Variants in LINGO2 observed in about 807,000 individuals in gnomAD.
The protein encoded by LINGO2 is leucine-rich repeat and immunoglobulin-like domain-containing nogo receptor-interacting protein 2.
A neutral mutation model predicts 30.6 loss-of-function variants in LINGO2; 14 were observed. The ratio of observed to expected loss-of-function variants is 0.46; its 90% CI spans 0.30 to 0.72. LINGO2 has a LOEUF of 0.72. Ranked by LOEUF, LINGO2 falls within the 30% of genes least tolerant of loss-of-function variation. LINGO2 has a pLI of 0.07. For synonymous variants in LINGO2, 317 were observed against 288.5 expected, an observed-to-expected ratio of 1.10 and a Z score of -1.00; for missense variants, 729 against 751.7, an observed-to-expected ratio of 0.97 and a Z score of 0.35.
At chr9:29,201,753 G>T in the LINGO2 span, among the ~76,000 whole-genome samples, 2 of 152,092 alleles carry the variant, frequency 1.3e-5, no homozygotes, top group East Asian at 1.9e-4. Context: ...ATGACTTTGT[G>T]TAGGTACTGA....
chr9:28,635,000 C>G (rs931343819), intron 1 of LINGO2, among the ~76,000 whole-genome samples: 5 of 152,116 alleles, frequency 3.3e-5, no homozygotes, highest in African/African-American at 1.2e-4. Flanking sequence ...GGCTGTAAGC[C>G]TGGAGGTACA....
the LINGO2 span, among the ~76,000 whole-genome samples, chr9:28,774,391 C>T: frequency 1.3e-4 from 20 of 152,046 alleles, no homozygotes; most frequent in Non-Finnish European, 2.4e-4. Context: ...ATTGCCAAAA[C>T]GTATCCAACA....
At chr9:28,661,350 A>G (rs550213294) in intron 1 of LINGO2, among the ~76,000 whole-genome samples, 12 of 152,288 alleles carry the variant, frequency 7.9e-5, no homozygotes, top group African/African-American at 2.6e-4. Flanking sequence ...TGGAGTAGCC[A>G]GCCTTGGCCT....
At chr9:28,848,531 T>C in the LINGO2 span, among the ~76,000 whole-genome samples, 35 of 149,642 alleles carry the variant, frequency 2.3e-4, no homozygotes, top group Middle Eastern at 3.4e-3. Flanking sequence ...GTTATTTTTC[T>C]AAGGCATTTC....
chr9:28,930,285 G>A, the LINGO2 span, among the ~76,000 whole-genome samples: 2 of 152,112 alleles, frequency 1.3e-5, no homozygotes, highest in African/African-American at 4.8e-5. This position sits in a 1 kb window ranked among gnomAD's most constrained non-coding sequence, Gnocchi z 4.2. Context: ...TTGAAACCCT[G>A]GCTTGAATTC....
Position 28,332,623 on chromosome 9 carries a change from G to A in LINGO2, c.-245-37257C>T, listed in dbSNP as rs1199780196. ...GCAGGGGGAATGGGGAAAAGGTTTT[G>A]TAAGAGCCAAACTCAAGACAGAGAT... is the stretch of plus-strand genomic sequence containing the variant. On this transcript the variant is annotated intron_variant, in intron 3 of 5. Transcript: ENST00000379992. 2.0e-5 allele frequency among the ~76,000 whole-genome samples: 3 copies of A among 151,498 alleles called. No homozygotes were observed. The South Asian group carries it at 6.2e-4, about 31-fold the overall frequency.
chr9:29,126,583 T>G, the LINGO2 span, among the ~76,000 whole-genome samples: 4 of 152,168 alleles, frequency 2.6e-5, no homozygotes, highest in Non-Finnish European at 5.9e-5. Context: ...TTATGTGCTA[T>G]TTCTGTTGCA....
the LINGO2 span, among the ~76,000 whole-genome samples, chr9:28,736,935 G>C: frequency 6.6e-6 from 1 of 152,172 alleles, no homozygotes; most frequent in African/African-American, 2.4e-5. Context: ...CTAGGTGCTT[G>C]TGGTAAATTG....
chr9:28,975,464 A>C, the LINGO2 span, among the ~76,000 whole-genome samples: 10 of 152,190 alleles, frequency 6.6e-5, no homozygotes, highest in African/African-American at 2.4e-4. Flanking sequence ...TGGCCTTAAA[A>C]TTTCTGCTAT....
the LINGO2 span, among the ~76,000 whole-genome samples, chr9:28,893,243 T>C: frequency 6.6e-6 from 1 of 152,108 alleles, no homozygotes; most frequent in South Asian, 2.1e-4. Flanking sequence ...TGGGACCGTA[T>C]TACCCATTGA....
chr9:28,788,166 C>G, the LINGO2 span, among the ~76,000 whole-genome samples: 1 of 152,150 alleles, frequency 6.6e-6, no homozygotes, highest in African/African-American at 2.4e-5. Context: ...TTGAATTTTT[C>G]CATAATGCAA....
At chr9:28,146,276 C>T (rs774629705) in intron 4 of LINGO2, among the ~76,000 whole-genome samples, 2 of 152,148 alleles carry the variant, frequency 1.3e-5, no homozygotes, top group Non-Finnish European at 2.9e-5. Context: ...CCTCAAATCC[C>T]TGCTTTCATG....
intron 1 of LINGO2, among the ~76,000 whole-genome samples, chr9:28,637,910 G>T (rs534851914): frequency 1.3e-5 from 2 of 152,296 alleles, no homozygotes; most frequent in South Asian, 4.1e-4. Flanking sequence ...AGTTTTCAAA[G>T]GGAATGTTTC....
chr9:28,761,888 G>A, the LINGO2 span, among the ~76,000 whole-genome samples: 4 of 151,930 alleles, frequency 2.6e-5, no homozygotes, highest in African/African-American at 9.7e-5. Flanking sequence ...TATGCAATGG[G>A]TTGTCATCAG....
the LINGO2 span, among the ~76,000 whole-genome samples, chr9:29,130,890 G>A: frequency 6.6e-6 from 1 of 152,000 alleles, no homozygotes; most frequent in Admixed American, 6.6e-5. Context: ...CATCTTTCCA[G>A]GGTCAAGCCT....
At chr9:28,227,162 A>T (rs1163820752) in intron 4 of LINGO2, among the ~76,000 whole-genome samples, 1 of 152,140 alleles carries the variant, frequency 6.6e-6, no homozygotes, top group East Asian at 1.9e-4. Context: ...CTTCCAATGT[A>T]CAGATCAGAA....
At chr9:28,596,225 G>A (rs1450652692) in intron 1 of LINGO2, among the ~76,000 whole-genome samples, 1 of 152,068 alleles carries the variant, frequency 6.6e-6, no homozygotes, top group African/African-American at 2.4e-5. Context: ...TTAAAATACT[G>A]AGGTAGAGTT....
intron 5 of LINGO2, among the ~76,000 whole-genome samples, chr9:27,984,003 G>A (rs373724381): frequency 1.3e-5 from 2 of 151,812 alleles, no homozygotes; most frequent in African/African-American, 2.4e-5. Flanking sequence ...AGTAGAGGAC[G>A]AAAAGAAGAA....
intron 2 of LINGO2, among the ~76,000 whole-genome samples, chr9:28,438,123 C>T (rs529461869): frequency 6.6e-6 from 1 of 152,180 alleles, no homozygotes; most frequent in African/African-American, 2.4e-5. Context: ...ATATTGATTT[C>T]TATGGCTATT....
Sources: gnomAD v4.1 joint callset for allele counts (sites outside exome capture counted in the v4.1 genomes callset) on GRCh38, gnomAD v4.1.1 for gene constraint, Gnocchi (gnomAD v3.1) non-coding constraint, MANE v1.5 for transcripts, NCBI Gene and HGNC (gene_info 2026-07-23, HGNC 2026-07-21) for gene names.